MMP16: variants seen among roughly 807,000 people sequenced by gnomAD.
MMP16 encodes matrix metallopeptidase 16.
Under a neutral mutation model 67.8 loss-of-function variants are expected in MMP16, and 12 were observed. That is an observed-to-expected ratio of 0.18 (90% CI 0.11 to 0.29). The LOEUF is 0.29. Among genes scored for constraint, MMP16 ranks in the 10% least tolerant of loss-of-function variants. The pLI is 1.00. For missense variants in MMP16, 475 were observed against 765.7 expected (o/e 0.62, Z 4.48); for synonymous variants, 249 against 255.9 (o/e 0.97, Z 0.26).
chr8:88,194,905 A>G (rs1809226218), intron 2 of MMP16, among the ~76,000 whole-genome samples: 1 of 152,150 alleles, frequency 6.6e-6, no homozygotes. Context: ...AGTCCCTTTG[A>G]TTTTAAATTA....
intron 4 of MMP16, among the ~76,000 whole-genome samples, chr8:88,122,589 A>G (rs1056762946): frequency 1.2e-4 from 18 of 152,114 alleles, no homozygotes; most frequent in African/African-American, 4.3e-4. Flanking sequence ...ATCAGAAATC[A>G]TCACCAAACA....
chr8:88,144,191 C>T (rs1808255531), intron 4 of MMP16, among the ~76,000 whole-genome samples: 1 of 151,862 alleles, frequency 6.6e-6, no homozygotes, highest in Admixed American at 6.6e-5. Flanking sequence ...GTTAGTATTT[C>T]CTTCGTCACT....
chr8:88,247,513 TC>T (rs1331198063), intron 1 of MMP16, among the ~76,000 whole-genome samples: 1 of 152,000 alleles, frequency 6.6e-6, no homozygotes, highest in Non-Finnish European at 1.5e-5. Context: ...CTATCTCTGT[TC>T]CCAGGGAAAG....
intron 1 of MMP16, among the ~76,000 whole-genome samples, chr8:88,264,615 C>T (rs984494232): frequency 2.6e-5 from 4 of 152,134 alleles, no homozygotes; most frequent in Admixed American, 6.5e-5. Context: ...TCCTAAGTGT[C>T]GGGCACATGC....
At chr8:88,147,958 C>T (rs976053726) in intron 4 of MMP16, among the ~76,000 whole-genome samples, 8 of 152,240 alleles carry the variant, frequency 5.3e-5, no homozygotes, top group Middle Eastern at 3.4e-3. Context: ...TATTATATTA[C>T]ATCATTTTGT....
In MMP16 at chr8:88,254,436, T is replaced by C. The variant is rs370516262; in HGVS notation, c.133-57130A>G. Among the ~76,000 whole-genome samples, 99 of 149,646 alleles carry C rather than the reference T, an allele frequency of 6.6e-4. 1 individual carries two copies. The highest frequency in any genetic ancestry group is 2.1e-3 in the African/African-American group (84 of 40,628). On this transcript the variant is annotated intron_variant, in intron 1 of 9. Transcript: ENST00000286614. ...AGTTTACCTATATAAAAAACCTGCA[T>C]ATATACCCCTGAACTTAAAATAAAA...
chr8:88,317,722 T>A (rs890437392), intron 1 of MMP16, among the ~76,000 whole-genome samples: 3 of 152,280 alleles, frequency 2.0e-5, no homozygotes, highest in Admixed American at 1.3e-4. Flanking sequence ...CCTTCTTTGA[T>A]AGGTTAATAA....
intron 6 of MMP16, among the ~76,000 whole-genome samples, chr8:88,096,667 G>T (rs1464459932): frequency 6.6e-6 from 1 of 151,886 alleles, no homozygotes; most frequent in Admixed American, 6.6e-5. Flanking sequence ...TCCCTGTCAG[G>T]AAGATTGATT....
At chr8:88,194,471 A>G (rs1354668250) in intron 2 of MMP16, among the ~76,000 whole-genome samples, 7 of 152,254 alleles carry the variant, frequency 4.6e-5, no homozygotes, top group Middle Eastern at 3.4e-3. Context: ...AGATTACAAA[A>G]GCACAGATGA....
chr8:88,221,470 AATAAC>A (rs772177572), intron 1 of MMP16, among the ~76,000 whole-genome samples: 40 of 152,128 alleles, frequency 2.6e-4, no homozygotes, highest in Admixed American at 3.3e-4. Context: ...GAAACAAGCA[AATAAC>A]ATAACATTTA....
chr8:88,130,661 T>C (rs1586166375), intron 4 of MMP16, among the ~76,000 whole-genome samples: 1 of 151,708 alleles, frequency 6.6e-6, no homozygotes, highest in East Asian at 1.9e-4. Flanking sequence ...ACTATTCTGC[T>C]GGCAACGTGG....
At chr8:88,050,816 T>C (rs909109332) in intron 8 of MMP16, among the ~76,000 whole-genome samples, 1 of 152,216 alleles carries the variant, frequency 6.6e-6, no homozygotes, top group Admixed American at 6.5e-5. Context: ...GCTTAGTCTG[T>C]TCATTCATAG....
intron 1 of MMP16, among the ~76,000 whole-genome samples, chr8:88,282,083 G>GC (rs1563582983): frequency 2.1e-4 from 1 of 4,758 alleles, no homozygotes; most frequent in Non-Finnish European, 4.9e-4. Flanking sequence ...TTTCTTTTTT[G>GC]GGGGGGGGGG....
At chr8:88,296,364 G>C (rs1366961547) in intron 1 of MMP16, among the ~76,000 whole-genome samples, 1 of 152,094 alleles carries the variant, frequency 6.6e-6, no homozygotes, top group African/African-American at 2.4e-5. Context: ...TATATCATAA[G>C]AAGAATCAAT....
intron 7 of MMP16, among the ~76,000 whole-genome samples, chr8:88,069,008 A>G (rs1004671862): frequency 2.0e-5 from 3 of 152,098 alleles, no homozygotes; most frequent in African/African-American, 7.2e-5. Context: ...GGCCAAAATC[A>G]AGTAGCATTT....
At chr8:88,204,622 C>A (rs1031568033) in intron 1 of MMP16, among the ~76,000 whole-genome samples, 1 of 151,804 alleles carries the variant, frequency 6.6e-6, no homozygotes, top group Non-Finnish European at 1.5e-5. Flanking sequence ...TAATGTTCTA[C>A]AATATACATA....
chr8:88,289,531 GCACA>G (rs1554592066), intron 1 of MMP16, among the ~76,000 whole-genome samples: 2 of 151,954 alleles, frequency 1.3e-5, no homozygotes, highest in Non-Finnish European at 2.9e-5. Flanking sequence ...ACACATACAC[GCACA>G]CAAAGCATTT....
chr8:88,124,297 C>T (rs979010215), intron 4 of MMP16, among the ~76,000 whole-genome samples: 1 of 151,860 alleles, frequency 6.6e-6, no homozygotes, highest in African/African-American at 2.4e-5. Flanking sequence ...TCATACGTGC[C>T]AAGTAGAGTA....
chr8:88,049,479 G>A (rs1389693037), intron 8 of MMP16, among the ~76,000 whole-genome samples: 1 of 152,092 alleles, frequency 6.6e-6, no homozygotes, highest in African/African-American at 2.4e-5. Flanking sequence ...TATGTTAACT[G>A]CTTTCCACAC....
Sources: allele counts gnomAD v4.1 joint callset (sites outside exome capture counted in the v4.1 genomes callset), GRCh38; gene constraint gnomAD v4.1.1; transcripts MANE v1.5; gene names NCBI Gene and HGNC (gene_info 2026-07-23, HGNC 2026-07-21).